YAF2: variants seen among roughly 807,000 people sequenced by gnomAD.
The protein encoded by YAF2 is YY1-associated factor 2.
In YAF2, 7 loss-of-function variants were observed where a neutral mutation model predicts 20.1. That is an observed-to-expected ratio of 0.35 (90% CI 0.20 to 0.65). YAF2 has a LOEUF of 0.65. Among genes scored for constraint, YAF2 ranks in the 30% least tolerant of loss-of-function variants. The pLI is 0.69. For synonymous variants in YAF2, 74 were observed against 76.0 expected, an observed-to-expected ratio of 0.97 and a Z score of 0.14; for missense variants, 151 against 219.2, an observed-to-expected ratio of 0.69 and a Z score of 1.96.
At chr12:42,226,017 T>C (rs1410167503) in intron 2 of YAF2, among the ~76,000 whole-genome samples, 1 of 152,246 alleles carries the variant, frequency 6.6e-6, no homozygotes, top group Non-Finnish European at 1.5e-5. Context: ...GAGCATGGAA[T>C]GTTTTTCCAT....
At chr12:42,191,938 A>G (rs2066623159) in intron 2 of YAF2, among the ~76,000 whole-genome samples, 1 of 152,012 alleles carries the variant, frequency 6.6e-6, no homozygotes, top group Non-Finnish European at 1.5e-5. Flanking sequence ...AAAAATACAA[A>G]AATTAGCCAG....
intron 2 of YAF2, among the ~76,000 whole-genome samples, chr12:42,162,422 T>C (rs1332798510): frequency 6.6e-6 from 1 of 152,166 alleles, no homozygotes; most frequent in East Asian, 1.9e-4. Context: ...AAATGTTGCC[T>C]GGCTTCAACA....
At chr12:42,161,407 AG>A in intron 3 of YAF2, 1 of 454,172 alleles carries the variant, frequency 2.2e-6, no homozygotes, top group Non-Finnish European at 3.6e-6. Context: ...AAAAGAAAAA[AG>A]CATCATCACA....
intron 2 of YAF2, chr12:42,231,183 AAATAT>A (rs1464545424): frequency 5.3e-5 from 8 of 152,192 alleles, no homozygotes; most frequent in Non-Finnish European, 7.3e-5. Context: ...ATAAAAATCT[AAATAT>A]ATTAGTTCAT....
chr12:42,173,016 C>G, intron 2 of YAF2, among the ~76,000 whole-genome samples: 1 of 151,772 alleles, frequency 6.6e-6, no homozygotes, highest in South Asian at 2.1e-4. Context: ...TGGAGAGTAA[C>G]TGCAAATGGA....
chr12:42,207,650 T>C (rs1440962822), intron 2 of YAF2, among the ~76,000 whole-genome samples: 2 of 152,146 alleles, frequency 1.3e-5, no homozygotes, highest in Admixed American at 6.5e-5. Flanking sequence ...CCCAGCACTT[T>C]GGGAGGCCGA....
At chr12:42,176,363 C>T (rs2066192964) in intron 2 of YAF2, among the ~76,000 whole-genome samples, 2 of 152,064 alleles carry the variant, frequency 1.3e-5, no homozygotes, top group South Asian at 2.1e-4. Flanking sequence ...TCAAGTGATA[C>T]TCCTGCCTCA....
In YAF2 at chr12:42,197,013, C is replaced by A. The variant is rs17091030; in HGVS notation, c.153-35248G>T. On this transcript the variant is annotated intron_variant, in intron 2 of 3. Transcript: ENST00000534854. ...GAGAAGGCAGTGTCTGTTTTGTTCA[C>A]TTCTCAGAAAGTACTTCACATTTCA... Among the ~76,000 whole-genome samples the A allele has an allele frequency of 8.5e-3, 1,295 of 152,322 alleles. 17 individuals carry two copies. The highest frequency in any genetic ancestry group is 0.03 in the African/African-American group (1,239 of 41,564).
At chr12:42,199,215 C>T in intron 2 of YAF2, 1 of 1,289,106 alleles carries the variant, frequency 7.8e-7, no homozygotes, top group South Asian at 1.2e-5. Context: ...AAATGGTAAC[C>T]AGGCTCTCTT....
chr12:42,178,118 C>T (rs1419239934), intron 2 of YAF2, among the ~76,000 whole-genome samples: 1 of 152,158 alleles, frequency 6.6e-6, no homozygotes, highest in Non-Finnish European at 1.5e-5. Context: ...ATATGTACAT[C>T]TATTTTGTAT....
intron 2 of YAF2, among the ~76,000 whole-genome samples, chr12:42,179,965 T>A (rs2066301321): frequency 6.6e-6 from 1 of 152,206 alleles, no homozygotes; most frequent in Non-Finnish European, 1.5e-5. Flanking sequence ...ATTAATTTTT[T>A]CTTTTACAAT....
intron 2 of YAF2, among the ~76,000 whole-genome samples, chr12:42,189,675 T>C (rs1480961050): frequency 6.6e-6 from 1 of 152,222 alleles, no homozygotes; most frequent in Non-Finnish European, 1.5e-5. Flanking sequence ...ACATATAGTA[T>C]ATGCCTTTTT....
At chr12:42,215,286 G>A (rs1258458345) in intron 2 of YAF2, among the ~76,000 whole-genome samples, 3 of 152,010 alleles carry the variant, frequency 2.0e-5, no homozygotes, top group African/African-American at 7.2e-5. Context: ...GAAATCCAGT[G>A]TAGGCTGGGT....
chr12:42,218,914 CAAGA>C (rs1419066421), intron 2 of YAF2, among the ~76,000 whole-genome samples: 4 of 151,942 alleles, frequency 2.6e-5, no homozygotes, highest in Non-Finnish European at 5.9e-5. Flanking sequence ...AAAGGGCTTT[CAAGA>C]AAGAAAGCTT....
intron 2 of YAF2, among the ~76,000 whole-genome samples, chr12:42,165,940 C>T (rs1033424906): frequency 3.3e-5 from 5 of 149,880 alleles, no homozygotes; most frequent in East Asian, 2.0e-4. Flanking sequence ...ATGAATGAGA[C>T]GGAGTCTCAC....
chr12:42,237,408 TC>T (rs1214023954), intron 2 of YAF2, 190 bp downstream of exon 2: 14 of 1,287,438 alleles, frequency 1.1e-5, no homozygotes, highest in African/African-American at 1.6e-5. Flanking sequence ...TACAGCCTCT[TC>T]AATTACCCCT....
At chr12:42,179,349 A>T (rs960525977) in intron 2 of YAF2, among the ~76,000 whole-genome samples, 1 of 152,178 alleles carries the variant, frequency 6.6e-6, no homozygotes, top group African/African-American at 2.4e-5. Flanking sequence ...GTGAGCCAGT[A>T]ATCTCAGCTA....
At position 42,223,874 on chromosome 12, in the gene YAF2, G is replaced by A. The variant is rs148779586; in HGVS notation, c.152+13725C>T. 6.7e-3 allele frequency among the ~76,000 whole-genome samples: 1,010 copies of A among 151,460 alleles called. 4 individuals carry two copies. Among genetic ancestry groups the A allele is most frequent in the Non-Finnish European group, 0.011 (750 of 67,882 alleles). On this transcript the variant is annotated intron_variant, in intron 2 of 3. Transcript: ENST00000534854. ...GGAACATCACACACTGGGGCCTGTC[G>A]GGGGGTGGGGGGCAAGGGGAAGGAG...
chr12:42,227,528 G>C (rs773005250), intron 2 of YAF2, among the ~76,000 whole-genome samples: 1 of 146,248 alleles, frequency 6.8e-6, no homozygotes, highest in African/African-American at 2.6e-5. Flanking sequence ...CTGCCCTGCC[G>C]AGACCCCGTC....
Sources: allele counts gnomAD v4.1 joint callset (sites outside exome capture counted in the v4.1 genomes callset), GRCh38; gene constraint gnomAD v4.1.1; transcripts MANE v1.5; gene names NCBI Gene and HGNC (gene_info 2026-07-23, HGNC 2026-07-21).